Variants in C3orf49 observed in about 807,000 individuals in gnomAD.
C3orf49 encodes putative uncharacterized protein C3orf49.
Under a neutral mutation model 13.3 loss-of-function variants are expected in C3orf49, and 27 were observed. The observed-to-expected ratio is 2.02, with a 90% CI of 1.49 to 2.79. C3orf49 has a LOEUF of 2.79. Among genes scored for constraint, C3orf49 ranks in the 30% most tolerant of loss-of-function variants. The pLI, the probability that C3orf49 is intolerant of heterozygous loss-of-function variation, is 0.00. For synonymous variants in C3orf49, 87 were observed against 47.6 expected (o/e 1.83, Z -3.40); for missense variants, 242 against 134.2 (o/e 1.80, Z -3.97).
the C3orf49 span, among the ~76,000 whole-genome samples, chr3:63,799,002 G>A: frequency 6.6e-6 from 1 of 152,160 alleles, no homozygotes; most frequent in Non-Finnish European, 1.5e-5. Flanking sequence ...CTATTGGACT[G>A]TGGTGTGTTT....
chr3:63,792,792 A>T, the C3orf49 span, among the ~76,000 whole-genome samples: 1 of 152,206 alleles, frequency 6.6e-6, no homozygotes, highest in Non-Finnish European at 1.5e-5. Flanking sequence ...AGTAGCCCAA[A>T]GAGTTAGTTT....
intron 3 of C3orf49, 57 bp from the exon 4 acceptor site, chr3:63,831,053 A>T: frequency 1.5e-6 from 1 of 675,682 alleles, no homozygotes; most frequent in Admixed American, 2.3e-5. Context: ...TTTAAGCACC[A>T]TCACATAAAT....
chr3:63,809,268 G>T, the C3orf49 span, among the ~76,000 whole-genome samples: 1 of 152,176 alleles, frequency 6.6e-6, no homozygotes, highest in Non-Finnish European at 1.5e-5. Context: ...GCCTCCAGAA[G>T]GTAGCATAGC....
the C3orf49 span, among the ~76,000 whole-genome samples, chr3:63,785,065 C>CTTTTTTTTTTTTTTTTTTTTT: frequency 1.5e-5 from 1 of 64,944 alleles, no homozygotes; most frequent in African/African-American, 6.8e-5. Context: ...TCTTCTTCTT[C>CTTTTTTTTTTTTTTTTTTTTT]TTTTTTTTTT....
intron 5 of C3orf49, chr3:63,837,859 AT>A (rs987872105): frequency 2.9e-5 from 24 of 824,274 alleles, no homozygotes; most frequent in African/African-American, 1.1e-4. Context: ...TAAAATTTGG[AT>A]TTTTTTTAAT....
At chr3:63,802,049 A>C in the C3orf49 span, among the ~76,000 whole-genome samples, 6 of 152,360 alleles carry the variant, frequency 3.9e-5, no homozygotes, top group Non-Finnish European at 8.8e-5. Flanking sequence ...TCCAGGGAAT[A>C]GGCAGGGTGA....
chr3:63,786,685 C>T, the C3orf49 span, among the ~76,000 whole-genome samples: 41,993 of 152,084 alleles, frequency 0.28, 5,869 homozygotes, highest in African/African-American at 0.34. Context: ...CTTCCAGTTG[C>T]TCTGTTAAGT....
At chr3:63,801,776 A>G in the C3orf49 span, among the ~76,000 whole-genome samples, 5 of 141,938 alleles carry the variant, frequency 3.5e-5, no homozygotes, top group African/African-American at 1.1e-4. Context: ...AAGAGCATCT[A>G]TGTAGACATA....
At position 63,824,611 on chromosome 3, in the gene C3orf49, G is replaced by A. The variant is rs1413817798; in HGVS notation, c.445+1042G>A. Among the ~76,000 whole-genome samples the A allele has an allele frequency of 2.6e-5, 4 of 152,174 alleles. No homozygotes were observed. The South Asian group carries it at 8.3e-4, about 31-fold the overall frequency. On this transcript the variant is annotated intron_variant, in intron 2 of 6. Coordinates refer to ENST00000295896, the MANE Select transcript of C3orf49 (RefSeq NM_001355236.2). ...CCCAGCTCTTTGGAAGGCCAAAGCG[G>A]TTGGATCACTTGAGCCCAGGAGTTT...
At chr3:63,801,797 G>C in the C3orf49 span, among the ~76,000 whole-genome samples, 1 of 142,806 alleles carries the variant, frequency 7.0e-6, no homozygotes, top group Non-Finnish European at 1.5e-5. Flanking sequence ...TCCACTTCAA[G>C]GAGCTCCCTT....
At chr3:63,829,558 G>C (rs76190896) in intron 3 of C3orf49, among the ~76,000 whole-genome samples, 3,562 of 152,250 alleles carry the variant, frequency 0.023, 78 homozygotes, top group African/African-American at 0.059. Context: ...GATAAAGATG[G>C]AGCAATTTGG....
intron 5 of C3orf49, among the ~76,000 whole-genome samples, chr3:63,844,611 C>G (rs974247902): frequency 6.6e-6 from 1 of 152,154 alleles, no homozygotes; most frequent in African/African-American, 2.4e-5. Context: ...CCCTGATGAA[C>G]AGGCTTATGC....
At chr3:63,788,617 G>GA in the C3orf49 span, among the ~76,000 whole-genome samples, 1 of 152,098 alleles carries the variant, frequency 6.6e-6, no homozygotes. Context: ...GGCCAACAGA[G>GA]AGGGGTAAAC....
intron 5 of C3orf49, chr3:63,838,108 A>G (rs1701672139): frequency 1.3e-6 from 2 of 1,491,766 alleles, no homozygotes; most frequent in African/African-American, 2.8e-5. Context: ...AAAATCAATA[A>G]TCCATTTTTA....
chr3:63,842,860 C>T (rs1701797781), intron 5 of C3orf49, among the ~76,000 whole-genome samples: 1 of 152,180 alleles, frequency 6.6e-6, no homozygotes, highest in East Asian at 1.9e-4. Context: ...CGGCTCACTG[C>T]AACCTCCACC....
the C3orf49 span, among the ~76,000 whole-genome samples, chr3:63,806,303 A>G: frequency 1.3e-5 from 2 of 152,158 alleles, no homozygotes; most frequent in Admixed American, 1.3e-4. Flanking sequence ...ATTGCCTACC[A>G]TTCATTGTCT....
chr3:63,792,426 C>T, the C3orf49 span, among the ~76,000 whole-genome samples: 4 of 152,182 alleles, frequency 2.6e-5, no homozygotes, highest in African/African-American at 9.7e-5. Flanking sequence ...GTTTATTTGG[C>T]CACTCTATGC....
intron 5 of C3orf49, among the ~76,000 whole-genome samples, chr3:63,843,674 G>A (rs1367720625): frequency 2.0e-5 from 3 of 152,114 alleles, no homozygotes; most frequent in Non-Finnish European, 2.9e-5. Context: ...GCCAAGGTGG[G>A]CGCATCACGA....
chr3:63,829,634 T>TG (rs1168761080), intron 3 of C3orf49, among the ~76,000 whole-genome samples: 1 of 152,164 alleles, frequency 6.6e-6, no homozygotes, highest in Non-Finnish European at 1.5e-5. Flanking sequence ...GCTATAAAAA[T>TG]GTTTTGTTTA....
Sources: gnomAD v4.1 joint callset for allele counts (sites outside exome capture counted in the v4.1 genomes callset) on GRCh38, gnomAD v4.1.1 for gene constraint, MANE v1.5 for transcripts, NCBI Gene and HGNC (gene_info 2026-07-23, HGNC 2026-07-21) for gene names.